ANXA5: variants seen among roughly 807,000 people sequenced by gnomAD.
ANXA5 encodes CBP-I.
ANXA5 carries 40 observed loss-of-function variants against 48.1 expected under a neutral mutation model. The ratio of observed to expected loss-of-function variants is 0.83; its 90% confidence interval spans 0.65 to 1.08. The LOEUF (loss-of-function observed/expected upper bound fraction) is 1.08, where lower values mean the gene tolerates loss of function less well. Ranked by LOEUF, ANXA5 falls within the 50% of genes least tolerant of loss-of-function variation. The pLI, the probability that ANXA5 is intolerant of heterozygous loss-of-function variation, is 0.00. For missense variants in ANXA5, 357 were observed against 376.8 expected (o/e 0.95, Z 0.44); for synonymous variants, 113 against 129.1 (o/e 0.88, Z 0.85).
rs1725087208 is a variant in ANXA5 at position 121,696,598 on chromosome 4, C to T, written c.-9G>A. 2.1e-6 allele frequency: 3 copies of T among 1,431,804 alleles called. No individual in the cohort carries two copies. The highest frequency in any genetic ancestry group is 2.9e-5 in the African/African-American group (2 of 68,364). 88.7% of individuals were successfully genotyped at this position (1,431,804 alleles called of 1,614,324 possible). ...GGCCTTACCTGTGCCATGGCGACTA[C>T]TCAGGTCAGGGGAAGGTGAAGCAGG... On this transcript the variant is annotated 5_prime_UTR_variant, in exon 2 of 13. Transcript: ENST00000296511.
At chr4:121,678,614 T>C in intron 6 of ANXA5, 120 bp from the exon 7 acceptor site, 2 of 803,782 alleles carry the variant, frequency 2.5e-6, no homozygotes, top group East Asian at 2.7e-5. Context: ...TTAACATAAA[T>C]TCCCTCTATT....
rs372705724 is a variant in ANXA5 at position 121,683,570 on chromosome 4, CT to C, written c.190-94del. 8.2e-4 allele frequency: 551 copies of C among 676,034 alleles called. 9 individuals carry two copies. The East Asian group carries it at 0.015, about 18-fold the overall frequency. 41.9% of individuals were successfully genotyped at this position (676,034 alleles called of 1,614,324 possible). ...TGACAGTCCTTTGCTCTAATGAATT[CT>C]TTATGTTGCTGTCTCCAAGTAGAAG... On this transcript the variant is annotated intron_variant, in intron 4 of 12. Coordinates refer to ENST00000296511, the MANE Select transcript of ANXA5 (RefSeq NM_001154.4).
intron 6 of ANXA5, among the ~76,000 whole-genome samples, chr4:121,679,004 C>T (rs1724746586): frequency 6.6e-6 from 1 of 152,146 alleles, no homozygotes; most frequent in African/African-American, 2.4e-5. Context: ...CCCCCTCCCA[C>T]CTCTATTTCC....
chr4:121,673,279 G>A (rs1003655782), intron 8 of ANXA5, among the ~76,000 whole-genome samples: 1 of 152,110 alleles, frequency 6.6e-6, no homozygotes, highest in Non-Finnish European at 1.5e-5. Context: ...TCTTGTGCAC[G>A]TATAGCTGCC....
intron 12 of ANXA5, among the ~76,000 whole-genome samples, chr4:121,668,846 C>T (rs1724564704): frequency 6.6e-6 from 1 of 151,886 alleles, no homozygotes; most frequent in East Asian, 1.9e-4. Flanking sequence ...GCTGTCATGG[C>T]TCTCCCTCCG....
intron 2 of ANXA5, among the ~76,000 whole-genome samples, chr4:121,686,859 A>T (rs1724899977): frequency 6.6e-6 from 1 of 152,180 alleles, no homozygotes; most frequent in Non-Finnish European, 1.5e-5. Context: ...GCCTGAAATG[A>T]TCGTTCACGT....
chr4:121,669,475 T>A, intron 12 of ANXA5, 127 bp downstream of exon 12: 1 of 1,151,298 alleles, frequency 8.7e-7, no homozygotes, highest in Non-Finnish European at 1.2e-6. Flanking sequence ...TTTTAACTCA[T>A]TGCTCTAATC....
At chr4:121,691,915 T>C (rs1724991324) in intron 2 of ANXA5, among the ~76,000 whole-genome samples, 1 of 152,068 alleles carries the variant, frequency 6.6e-6, no homozygotes, top group Admixed American at 6.5e-5. Context: ...AGCAAAATAA[T>C]TATCAGGGAA....
At chr4:121,677,685 T>G (rs551426232) in intron 8 of ANXA5, among the ~76,000 whole-genome samples, 1 of 152,294 alleles carries the variant, frequency 6.6e-6, no homozygotes, top group Admixed American at 6.5e-5. Flanking sequence ...ATAATTTATT[T>G]TATTTCGTTT....
intron 5 of ANXA5, 30 bp from the exon 6 acceptor site, chr4:121,681,791 G>T: frequency 6.8e-7 from 1 of 1,479,514 alleles, no homozygotes; most frequent in Non-Finnish European, 9.4e-7. Flanking sequence ...GAGAAAACAT[G>T]TCAATAAGAT....
rs374155511 is a variant in ANXA5, at chr4:121,693,254, CA to C, written c.9+3326del. 6.1e-4 allele frequency among the ~76,000 whole-genome samples: 92 copies of C among 151,428 alleles called. 1 individual carries two copies. The highest frequency in any genetic ancestry group is 2.0e-3 in the African/African-American group (84 of 41,292). ...ATCTCGGGGGAGAAAAAAAAAAACC[CA>C]AAAAACTAGTGTCCAAAGAAATGAA... On this transcript the variant is annotated intron_variant, in intron 2 of 12. Coordinates refer to ENST00000296511, the MANE Select transcript of ANXA5 (RefSeq NM_001154.4).
chr4:121,684,734 G>A lies in ANXA5; in HGVS notation c.132C>T (p.Ser44=), dbSNP rs1319728826. 6.2e-7 allele frequency: 1 copy of A among 1,613,954 alleles called. No individual in the cohort carries two copies. The highest frequency in any genetic ancestry group is 1.7e-5 in the Admixed American group (1 of 60,000). ...DEESILTLLT[S]RSNAQRQEIS... Reference sequence around the variant, plus strand: ...TTTCCTGGCGCTGAGCATTACTTCGGGATGTCAACAGAGTCAGGATGCTCT... The same window carrying A: ...TTTCCTGGCGCTGAGCATTACTTCGAGATGTCAACAGAGTCAGGATGCTCT... Residue 44 remains serine (S), a synonymous_variant, in exon 4 of 13, where the codon TCC becomes TCT. Transcript: ENST00000296511.
Position 121,669,949 on chromosome 4 carries a change from C to G in ANXA5, c.780+5G>C. On this transcript the variant is annotated splice_donor_5th_base_variant and intron_variant, in intron 11 of 12. Coordinates refer to ENST00000296511, the MANE Select transcript of ANXA5 (RefSeq NM_001154.4). ...TTAGATAGAAGGTTCATGGTCTCCA[C>G]TTACCTTCATAGCATAATAGAGGGT... 4.4e-6 allele frequency: 7 copies of G among 1,587,316 alleles called. No individual in the cohort carries two copies. Among genetic ancestry groups the G allele is most frequent in the Non-Finnish European group, 6.0e-6 (7 of 1,164,466 alleles).
At chr4:121,676,392 C>G (rs1016194106) in intron 8 of ANXA5, among the ~76,000 whole-genome samples, 2 of 152,126 alleles carry the variant, frequency 1.3e-5, no homozygotes, top group African/African-American at 4.8e-5. Context: ...TGACTATCTT[C>G]TAGTGAAAGA....
At chr4:121,694,222 C>A (rs1276873297) in intron 2 of ANXA5, among the ~76,000 whole-genome samples, 1 of 150,816 alleles carries the variant, frequency 6.6e-6, no homozygotes, top group Non-Finnish European at 1.5e-5. Flanking sequence ...ATGTTGTGCA[C>A]ACATACCCTA....
intron 6 of ANXA5, among the ~76,000 whole-genome samples, chr4:121,679,552 G>A (rs115439853): frequency 0.019 from 2,829 of 152,126 alleles, 35 homozygotes; most frequent in East Asian, 0.042. Context: ...CTATATCTGA[G>A]CCTAACCTCG....
chr4:121,672,729 C>A, intron 8 of ANXA5, 103 bp from the exon 9 acceptor site: 2 of 783,846 alleles, frequency 2.6e-6, no homozygotes, highest in South Asian at 3.2e-5. Context: ...TCACTTGATT[C>A]ATCATCTTGT....
intron 12 of ANXA5, 141 bp from the exon 13 acceptor site, chr4:121,668,668 T>C (rs1403061940): frequency 1.6e-5 from 11 of 686,716 alleles, no homozygotes; most frequent in Non-Finnish European, 2.8e-5. Context: ...ATCAGGAATG[T>C]TATGCAGGGA....
At chr4:121,693,367 G>A (rs1219113447) in intron 2 of ANXA5, among the ~76,000 whole-genome samples, 1 of 152,112 alleles carries the variant, frequency 6.6e-6, no homozygotes, top group East Asian at 1.9e-4. Context: ...CTGCGTCTAA[G>A]AAGCACTTAA....
Sources: gnomAD v4.1 joint callset for allele counts (sites outside exome capture counted in the v4.1 genomes callset) on GRCh38, gnomAD v4.1.1 for gene constraint, MANE v1.5 for transcripts, NCBI Gene and HGNC (gene_info 2026-07-23, HGNC 2026-07-21) for gene names.